The following GALNT16 variants were observed in gnomAD, a reference collection of about 807,000 sequenced individuals.
The protein encoded by GALNT16 is UDP-GalNAc:polypeptide N-acetylgalactosaminyltransferase-like protein 1.
In GALNT16, 40 loss-of-function variants were observed where a neutral mutation model predicts 76.1. The ratio of observed to expected loss-of-function variants is 0.53; its 90% CI spans 0.41 to 0.68. The LOEUF (loss-of-function observed/expected upper bound fraction) is 0.68, where lower values mean the gene tolerates loss of function less well. GALNT16 is among the 30% of genes least tolerant of loss of function. GALNT16 has a pLI of 0.00. For synonymous variants in GALNT16, 276 were observed against 285.2 expected (o/e 0.97, Z 0.32); for missense variants, 621 against 731.9 (o/e 0.85, Z 1.75).
intron 6 of GALNT16, among the ~76,000 whole-genome samples, chr14:69,330,584 T>C (rs2045340278): frequency 6.6e-6 from 1 of 152,114 alleles, no homozygotes; most frequent in Non-Finnish European, 1.5e-5. Context: ...CCATCAAAGG[T>C]CTCTGTTGAT....
rs1178217350 is a variant in GALNT16, at chr14:69,261,884, T to C, written c.177+1417T>C. Among the ~76,000 whole-genome samples the C allele has an allele frequency of 4.6e-5, 7 of 152,128 alleles. No homozygotes were observed. Among genetic ancestry groups the C allele is most frequent in the Admixed American group, 3.3e-4 (5 of 15,284 alleles). On this transcript the variant is annotated intron_variant, in intron 1 of 14. Transcript: ENST00000448469. The surrounding 1 kb of genome is among the most constrained non-coding windows in gnomAD (Gnocchi z 6.4). ...GGGGCAAGCCTGATTAGGTGCACTG[T>C]TCCCTTCTGGGCTGTTCTCCCAGGA... is the stretch of plus-strand genomic sequence containing the variant.
chr14:69,355,661 G>T (rs1227938100), downstream of GALNT16: 2 of 152,310 alleles, frequency 1.3e-5, no homozygotes, highest in Non-Finnish European at 2.9e-5. Context: ...CCCCAGGCTG[G>T]GTATTAACAG....
chr14:69,318,291 C>T (rs868479007), intron 1 of GALNT16, among the ~76,000 whole-genome samples: 4 of 152,170 alleles, frequency 2.6e-5, no homozygotes, highest in South Asian at 4.1e-4. Flanking sequence ...AACTCAATTT[C>T]GAGGCCTTGG....
In GALNT16 at chr14:69,348,095, C is replaced by T. The variant is rs1265858538; in HGVS notation, c.1539+93C>T. The T allele has an allele frequency of 5.3e-6, 7 of 1,309,884 alleles. No homozygotes were observed. In the African/African-American group the frequency reaches 5.8e-5, roughly 11 times the overall value. 81.1% of individuals were successfully genotyped at this position (1,309,884 alleles called of 1,614,324 possible). A position where few individuals can be genotyped will look rare whatever the true frequency, so the allele number is the denominator to read the frequency against. ...TTGGCAGGAGAGCCCCTGATTGACTCAAATAAGCCCTTCAGAGCGAGGATC... is the reference window on the plus strand; with the variant it reads ...TTGGCAGGAGAGCCCCTGATTGACTTAAATAAGCCCTTCAGAGCGAGGATC... On this transcript the variant is annotated intron_variant, in intron 14 of 14. Transcript: ENST00000448469.
At chr14:69,366,956 A>T in the GALNT16 span, among the ~76,000 whole-genome samples, 1 of 152,326 alleles carries the variant, frequency 6.6e-6, no homozygotes, top group African/African-American at 2.4e-5. Context: ...TTAGGTTATC[A>T]TGGAAGGCTT....
In GALNT16 at chr14:69,261,418, C is replaced by A. The variant is rs1042031129; in HGVS notation, c.177+951C>A. On this transcript the variant is annotated intron_variant, in intron 1 of 14. Coordinates refer to ENST00000448469, the MANE Select transcript of GALNT16 (RefSeq NM_001168368.2). The surrounding 1 kb of genome is among the most constrained non-coding windows in gnomAD (Gnocchi z 6.4). Reference sequence around the variant, plus strand: ...GAGAGTGCGCTCGAGCGGGCGCATTCTTCCAGACGGGGGCGGTTGGTGGAC... The same window carrying A: ...GAGAGTGCGCTCGAGCGGGCGCATTATTCCAGACGGGGGCGGTTGGTGGAC... 6.6e-6 allele frequency among the ~76,000 whole-genome samples: 1 copy of A among 152,220 alleles called. No homozygotes were observed. Among genetic ancestry groups the A allele is most frequent in the South Asian group, 2.1e-4 (1 of 4,812 alleles).
intron 12 of GALNT16, among the ~76,000 whole-genome samples, chr14:69,344,870 T>C (rs769072413): frequency 5.9e-5 from 9 of 152,236 alleles, no homozygotes; most frequent in Non-Finnish European, 1.0e-4. Context: ...AACACATTGC[T>C]CCTGGATGAG....
At chr14:69,275,521 ATG>A (rs1389093675) in intron 1 of GALNT16, among the ~76,000 whole-genome samples, 1 of 150,298 alleles carries the variant, frequency 6.7e-6, no homozygotes, top group African/African-American at 2.4e-5. Flanking sequence ...GGGTGTGTCT[ATG>A]TGTGTGTGTG....
At chr14:69,377,804 C>CAAAAAAAAAAAAAAAAAA in the GALNT16 span, among the ~76,000 whole-genome samples, 4 of 37,486 alleles carry the variant, frequency 1.1e-4, 1 homozygote, top group Admixed American at 5.8e-4. Context: ...GAGACTGTCT[C>CAAAAAAAAAAAAAAAAAA]AAAAAAAAAA....
At chr14:69,375,382 T>C in the GALNT16 span, among the ~76,000 whole-genome samples, 1 of 152,238 alleles carries the variant, frequency 6.6e-6, no homozygotes, top group Non-Finnish European at 1.5e-5. Context: ...GTTTAGACCA[T>C]TTACATTTAA....
rs766135778 is a variant in GALNT16 at position 69,339,595 on chromosome 14, C to T, written c.1163C>T (p.Ser388Leu). 1.1e-5 allele frequency: 18 copies of T among 1,608,096 alleles called. No individual in the cohort carries two copies. The South Asian group carries it at 1.3e-4, about 12-fold the overall frequency. ...CAATACTACTATGAGGCCCGGCCCT[C>T]GGCCATCGGGAAGGCCTTCGGCAGG... is the stretch of plus-strand genomic sequence containing the variant. ...YKQYYYEARP[S>L]AIGKAFGSVA... is the part of the protein sequence containing the mutation. The change falls in exon 11 of 15, where the codon TCG (serine) becomes TTG (leucine). Residue 388 changes from serine to leucine, a missense_variant. Physicochemically the swap from Ser to Leu is moderately radical, Grantham distance 145. Transcript: ENST00000448469.
chr14:69,371,923 G>A, the GALNT16 span, among the ~76,000 whole-genome samples: 4 of 151,962 alleles, frequency 2.6e-5, no homozygotes, highest in Non-Finnish European at 4.4e-5. Flanking sequence ...CAGCCTGGGC[G>A]ACAGAGCAAG....
chr14:69,259,979 C>T, upstream of GALNT16: 1 of 242,462 alleles, frequency 4.1e-6, no homozygotes, highest in South Asian at 9.4e-5. Context: ...GCGCGCTTCT[C>T]TCCCAGTGCG....
chr14:69,274,914 G>T (rs1322787792), intron 1 of GALNT16, among the ~76,000 whole-genome samples: 1 of 152,158 alleles, frequency 6.6e-6, no homozygotes, highest in Non-Finnish European at 1.5e-5. Flanking sequence ...TGCCAACAGA[G>T]CCAGGATTCT....
intron 5 of GALNT16, 21 bp from the exon 6 acceptor site, chr14:69,328,429 C>A: frequency 6.2e-7 from 1 of 1,611,648 alleles, no homozygotes; most frequent in Non-Finnish European, 8.5e-7. Flanking sequence ...CAGCGCCAAG[C>A]CCTATCTACT....
In GALNT16 at chr14:69,262,682, C is replaced by T. The variant is rs530200657; in HGVS notation, c.177+2215C>T. On this transcript the variant is annotated intron_variant, in intron 1 of 14. Transcript: ENST00000448469. ...AGCCAGCTCCCTCTTTGTTCTTAAGCTTTAGATGCCTGTTCCACCAGCACT... is the reference window on the plus strand; with the variant it reads ...AGCCAGCTCCCTCTTTGTTCTTAAGTTTTAGATGCCTGTTCCACCAGCACT... Among the ~76,000 whole-genome samples the T allele has an allele frequency of 2.0e-5, 3 of 152,228 alleles. No individual in the cohort carries two copies. In the South Asian group the frequency reaches 6.2e-4, roughly 32 times the overall value.
intron 12 of GALNT16, among the ~76,000 whole-genome samples, chr14:69,345,185 T>C: frequency 6.6e-6 from 1 of 152,196 alleles, no homozygotes; most frequent in East Asian, 1.9e-4. Context: ...AATCATTCAA[T>C]ATTGCCAACT....
intron 1 of GALNT16, among the ~76,000 whole-genome samples, chr14:69,289,366 G>C (rs1417092729): frequency 6.6e-6 from 1 of 152,120 alleles, no homozygotes; most frequent in Non-Finnish European, 1.5e-5. Flanking sequence ...CAGGGAATGT[G>C]ATGCAGGGGA....
At position 69,273,683 on chromosome 14, in the gene GALNT16, A is replaced by G. The variant is rs2044434895; in HGVS notation, c.177+13216A>G. 3.3e-5 allele frequency among the ~76,000 whole-genome samples: 5 copies of G among 152,244 alleles called. No individual in the cohort carries two copies. In the South Asian group the frequency reaches 1.0e-3, roughly 31 times the overall value. Reference sequence around the variant, plus strand: ...AGAGACATTCTCATCTCCTTGGGCCAGAATCCTAGCTAAGGAGATGTGTGA... The same window carrying G: ...AGAGACATTCTCATCTCCTTGGGCCGGAATCCTAGCTAAGGAGATGTGTGA... On this transcript the variant is annotated intron_variant, in intron 1 of 14. Transcript: ENST00000448469.
Sources: gnomAD v4.1 joint callset for allele counts (sites outside exome capture counted in the v4.1 genomes callset) on GRCh38, gnomAD v4.1.1 for gene constraint, Gnocchi (gnomAD v3.1) non-coding constraint, MANE v1.5 for transcripts, NCBI Gene and HGNC (gene_info 2026-07-23, HGNC 2026-07-21) for gene names.